NKAIN2: variants seen among roughly 807,000 people sequenced by gnomAD.
NKAIN2 encodes sodium/potassium transporting ATPase interacting 2, also known as sodium/potassium-transporting ATPase subunit beta-1-interacting protein 2.
In NKAIN2, 14 loss-of-function variants were observed where a neutral mutation model predicts 32.6. The ratio of observed to expected loss-of-function variants is 0.43; its 90% CI spans 0.28 to 0.67. NKAIN2 has a LOEUF of 0.67. NKAIN2 is among the 30% of genes least tolerant of loss of function. NKAIN2 has a pLI of 0.17. For synonymous variants in NKAIN2, 80 were observed against 87.2 expected (o/e 0.92, Z 0.46); for missense variants, 198 against 258.3 (o/e 0.77, Z 1.60).
Position 123,964,122 on chromosome 6 carries a change from T to C in NKAIN2, c.54+159868T>C, listed in dbSNP as rs1273531711. Among the ~76,000 whole-genome samples the C allele has an allele frequency of 6.6e-6, 1 of 152,180 alleles. No homozygotes were observed. On this transcript the variant is annotated intron_variant, in intron 1 of 6. Transcript: ENST00000368417. This position sits in a 1 kb window ranked among gnomAD's most constrained non-coding sequence, Gnocchi z 4.0. ...CTCCTAGGGGAAAATACAAGCTGTT[T>C]TATGGTGTGATTTCCAGGAATGCAT...
intron 3 of NKAIN2, among the ~76,000 whole-genome samples, chr6:124,536,400 A>T (rs1462889444): frequency 6.6e-6 from 1 of 152,006 alleles, no homozygotes; most frequent in African/African-American, 2.4e-5. Flanking sequence ...AGCTTCCTCC[A>T]TGACCTCTTG....
chr6:124,251,090 A>G (rs1289476869), intron 1 of NKAIN2, among the ~76,000 whole-genome samples: 2 of 152,074 alleles, frequency 1.3e-5, no homozygotes, highest in African/African-American at 4.8e-5. Context: ...AAATAGGACA[A>G]TGTACACAAA....
intron 1 of NKAIN2, chr6:124,282,303 GTGTT>G: frequency 3.0e-6 from 1 of 334,828 alleles, no homozygotes; most frequent in South Asian, 2.4e-5. Context: ...CTTGATTTTT[GTGTT>G]TGTTTTCCAT....
intron 3 of NKAIN2, among the ~76,000 whole-genome samples, chr6:124,430,350 A>G (rs1775162526): frequency 1.3e-5 from 2 of 152,182 alleles, no homozygotes; most frequent in Non-Finnish European, 2.9e-5. Context: ...AGCTATCCCC[A>G]AATTCCAAAA....
At chr6:124,458,434 G>A (rs1277060286) in intron 3 of NKAIN2, among the ~76,000 whole-genome samples, 1 of 151,666 alleles carries the variant, frequency 6.6e-6, no homozygotes, top group Admixed American at 6.6e-5. Flanking sequence ...GATGGAAGTA[G>A]TAGCTGTAGG....
chr6:124,343,789 C>T (rs1798263366), intron 2 of NKAIN2, among the ~76,000 whole-genome samples: 1 of 149,350 alleles, frequency 6.7e-6, no homozygotes, highest in South Asian at 2.2e-4. Flanking sequence ...GTTGCCTGTT[C>T]ACTCTGATGG....
At chr6:124,777,211 C>T (rs1779017666) in intron 4 of NKAIN2, among the ~76,000 whole-genome samples, 1 of 151,996 alleles carries the variant, frequency 6.6e-6, no homozygotes, top group Non-Finnish European at 1.5e-5. Flanking sequence ...TAATCAGCTG[C>T]ATATAAAGGA....
chr6:124,525,822 G>T (rs895886976), intron 3 of NKAIN2, among the ~76,000 whole-genome samples: 3 of 152,118 alleles, frequency 2.0e-5, no homozygotes, highest in Admixed American at 6.6e-5. Flanking sequence ...TAAGGACGTA[G>T]AATCTGTGAT....
At chr6:124,740,752 A>G (rs1310622930) in intron 4 of NKAIN2, among the ~76,000 whole-genome samples, 1 of 151,818 alleles carries the variant, frequency 6.6e-6, no homozygotes, top group African/African-American at 2.4e-5. Context: ...GGAATGAGAG[A>G]GAAGGAGCAC....
intron 3 of NKAIN2, among the ~76,000 whole-genome samples, chr6:124,503,553 TTAGA>T (rs1323879107): frequency 2.0e-5 from 3 of 152,132 alleles, no homozygotes; most frequent in Non-Finnish European, 4.4e-5. Flanking sequence ...AAATATTGAA[TTAGA>T]TAGGAAGGGG....
At chr6:123,982,316 G>A (rs1300018075) in intron 1 of NKAIN2, among the ~76,000 whole-genome samples, 3 of 152,162 alleles carry the variant, frequency 2.0e-5, no homozygotes, top group African/African-American at 7.2e-5. Context: ...CAATTGTGAA[G>A]ACACGCAAAG....
chr6:124,235,811 C>A lies in NKAIN2; in HGVS notation c.55-47194C>A, dbSNP rs966695434. Among the ~76,000 whole-genome samples the A allele has an allele frequency of 2.0e-5, 3 of 151,938 alleles. No homozygotes were observed. The South Asian group carries it at 6.2e-4, about 32-fold the overall frequency. ...ACAGGGTTTCACCATGTTGGCCAGG[C>A]TGTTCTCAAACTCCTGACCTCATGA... is the stretch of plus-strand genomic sequence containing the variant. On this transcript the variant is annotated intron_variant, in intron 1 of 6. Transcript: ENST00000368417.
At chr6:124,231,162 G>A (rs1305696878) in intron 1 of NKAIN2, among the ~76,000 whole-genome samples, 1 of 152,204 alleles carries the variant, frequency 6.6e-6, no homozygotes, top group Non-Finnish European at 1.5e-5. Flanking sequence ...AGATTTAATG[G>A]CCCTGCTGGA....
intron 4 of NKAIN2, among the ~76,000 whole-genome samples, chr6:124,673,394 G>A (rs75368631): frequency 6.6e-6 from 1 of 152,000 alleles, no homozygotes; most frequent in African/African-American, 2.4e-5. Context: ...CAGTCCTTTG[G>A]CTAAATATCC....
intron 3 of NKAIN2, among the ~76,000 whole-genome samples, chr6:124,647,496 CAAAAAAAAAAAA>C (rs1157607122): frequency 1.7e-5 from 1 of 58,940 alleles, no homozygotes; most frequent in East Asian, 6.3e-4. Flanking sequence ...GAGACTCTGT[CAAAAAAAAAAAA>C]AAAAAAAAAA....
rs577296390 is a variant in NKAIN2 at position 124,338,412 on chromosome 6, G to A, written c.193-16855G>A. Among the ~76,000 whole-genome samples the A allele has an allele frequency of 1.2e-3, 178 of 152,196 alleles. 1 individual carries two copies. The highest frequency in any genetic ancestry group is 4.2e-3 in the African/African-American group (174 of 41,532). ...TTATTAGAATTTTAATATTTTTGATGATATCATGTAATTCATTATTCTAAC... is the reference window on the plus strand; with the variant it reads ...TTATTAGAATTTTAATATTTTTGATAATATCATGTAATTCATTATTCTAAC... On this transcript the variant is annotated intron_variant, in intron 2 of 6. Transcript: ENST00000368417.
chr6:124,355,446 C>G (rs1798927145), intron 3 of NKAIN2, 99 bp downstream of exon 3: 2 of 672,700 alleles, frequency 3.0e-6, no homozygotes, highest in Non-Finnish European at 5.4e-6. Flanking sequence ...CTTAGCTGCA[C>G]CTCAATGAAA....
intron 3 of NKAIN2, among the ~76,000 whole-genome samples, chr6:124,511,065 C>G (rs528240725): frequency 6.6e-6 from 1 of 152,132 alleles, no homozygotes; most frequent in South Asian, 2.1e-4. Context: ...ATTGACATTA[C>G]TAGTTTCAAA....
chr6:124,038,786 T>C (rs900229984), intron 1 of NKAIN2, among the ~76,000 whole-genome samples: 1 of 152,150 alleles, frequency 6.6e-6, no homozygotes, highest in African/African-American at 2.4e-5. Flanking sequence ...CATTTTAATA[T>C]GTGTTTACAT....
Sources: allele counts gnomAD v4.1 joint callset (sites outside exome capture counted in the v4.1 genomes callset), GRCh38; gene constraint gnomAD v4.1.1; non-coding constraint Gnocchi (gnomAD v3.1); transcripts MANE v1.5; gene names NCBI Gene and HGNC (gene_info 2026-07-23, HGNC 2026-07-21).